FAF1: variants seen among roughly 807,000 people sequenced by gnomAD.
FAF1 encodes the protein FAS-associated factor 1.
In FAF1, 25 loss-of-function variants were observed where a neutral mutation model predicts 92.5. That is an observed-to-expected ratio of 0.27 (90% confidence interval 0.20 to 0.38). The LOEUF is 0.38. Ranked by LOEUF, FAF1 falls within the 10% of genes least tolerant of loss-of-function variation. FAF1 has a pLI of 1.00. For missense variants in FAF1, 636 were observed against 793.3 expected, an observed-to-expected ratio of 0.80 and a Z score of 2.38; for synonymous variants, 234 against 273.2, an observed-to-expected ratio of 0.86 and a Z score of 1.42.
At chr1:50,527,916 G>C (rs775302295) in intron 15 of FAF1, among the ~76,000 whole-genome samples, 1 of 134,740 alleles carries the variant, frequency 7.4e-6, no homozygotes, top group Non-Finnish European at 1.5e-5. Flanking sequence ...TCTTGCCCAG[G>C]CTGGAGTGCA....
intron 9 of FAF1, among the ~76,000 whole-genome samples, chr1:50,588,352 T>C (rs896355256): frequency 6.6e-6 from 1 of 152,218 alleles, no homozygotes; most frequent in African/African-American, 2.4e-5. Context: ...TCTCTAATTC[T>C]TTAGGGTCAG....
At chr1:50,560,597 T>A (rs1400472539) in intron 13 of FAF1, among the ~76,000 whole-genome samples, 1 of 152,224 alleles carries the variant, frequency 6.6e-6, no homozygotes, top group African/African-American at 2.4e-5. Context: ...GATTTAACAC[T>A]TAGTAGCATG....
chr1:50,808,658 A>T (rs12097122), intron 2 of FAF1, among the ~76,000 whole-genome samples: 1,487 of 128,100 alleles, frequency 0.012, 21 homozygotes, highest in African/African-American at 0.049. Flanking sequence ...ATAAAGATTT[A>T]AAAAAAAAAA....
At chr1:50,528,267 G>A (rs1276226610) in intron 15 of FAF1, among the ~76,000 whole-genome samples, 1 of 152,082 alleles carries the variant, frequency 6.6e-6, no homozygotes, top group Non-Finnish European at 1.5e-5. Flanking sequence ...TACCTTGAGT[G>A]TACTTATAAA....
chr1:50,945,013 G>T (rs1170564694), intron 1 of FAF1, among the ~76,000 whole-genome samples: 1 of 152,162 alleles, frequency 6.6e-6, no homozygotes, highest in Non-Finnish European at 1.5e-5. Context: ...GGATCAAGAG[G>T]AGGTGAAGGA....
At chr1:50,595,612 G>A (rs746571772) in intron 9 of FAF1, among the ~76,000 whole-genome samples, 4 of 151,978 alleles carry the variant, frequency 2.6e-5, no homozygotes, top group African/African-American at 9.7e-5. Context: ...GCGCGATCTC[G>A]GCTCACTGCA....
chr1:50,897,670 C>T (rs1268916197), intron 1 of FAF1, among the ~76,000 whole-genome samples: 1 of 152,216 alleles, frequency 6.6e-6, no homozygotes, highest in Non-Finnish European at 1.5e-5. Context: ...ACAAAATGGA[C>T]TGTGGTATTG....
intron 15 of FAF1, among the ~76,000 whole-genome samples, chr1:50,523,625 T>C (rs1365672415): frequency 1.3e-5 from 2 of 152,228 alleles, no homozygotes; most frequent in Non-Finnish European, 2.9e-5. Flanking sequence ...TTTTCTGTTG[T>C]CGTGTTGTAG....
intron 1 of FAF1, among the ~76,000 whole-genome samples, chr1:50,947,139 A>C (rs1645177625): frequency 6.6e-6 from 1 of 152,104 alleles, no homozygotes; most frequent in African/African-American, 2.4e-5. Flanking sequence ...TCCCTATTAA[A>C]GAAAGGATAC....
At position 50,640,580 on chromosome 1, in the gene FAF1, A is replaced by G. The variant is rs948843169; in HGVS notation, c.744+14862T>C. Among the ~76,000 whole-genome samples, 17 of 152,072 alleles carry G rather than the reference A, an allele frequency of 1.1e-4. No individual in the cohort carries two copies. In the East Asian group the frequency reaches 3.3e-3, roughly 30 times the overall value. On this transcript the variant is annotated intron_variant, in intron 8 of 18. Transcript: ENST00000396153. ...TTTTTAATTGCAAGTTCAATTTTTAAAATTATATTTGGGCTTTTCTAGTTT... is the reference window on the plus strand; with the variant it reads ...TTTTTAATTGCAAGTTCAATTTTTAGAATTATATTTGGGCTTTTCTAGTTT...
At chr1:50,834,339 C>T (rs1644181788) in intron 2 of FAF1, among the ~76,000 whole-genome samples, 1 of 152,190 alleles carries the variant, frequency 6.6e-6, no homozygotes, top group Non-Finnish European at 1.5e-5. Context: ...CAAGAATGGA[C>T]TAATACACCC....
intron 18 of FAF1, among the ~76,000 whole-genome samples, chr1:50,465,153 G>A (rs1646479124): frequency 6.6e-6 from 1 of 152,150 alleles, no homozygotes; most frequent in Non-Finnish European, 1.5e-5. Context: ...CCACTGCTTG[G>A]CTACGTGATC....
At chr1:50,527,838 TCTCTCC>T (rs1199341733) in intron 15 of FAF1, among the ~76,000 whole-genome samples, 3 of 93,040 alleles carry the variant, frequency 3.2e-5, no homozygotes, top group African/African-American at 9.2e-5. Flanking sequence ...TCTCTCTCTC[TCTCTCC>T]CTCTCTCCCT....
intron 7 of FAF1, among the ~76,000 whole-genome samples, chr1:50,677,507 A>T (rs1408042804): frequency 6.6e-6 from 1 of 152,232 alleles, no homozygotes; most frequent in Admixed American, 6.5e-5. Flanking sequence ...GTAATTAAAA[A>T]AGTAAACACT....
intron 9 of FAF1, among the ~76,000 whole-genome samples, chr1:50,585,354 A>G (rs1651176220): frequency 6.6e-6 from 1 of 152,144 alleles, no homozygotes; most frequent in African/African-American, 2.4e-5. Flanking sequence ...GATGAGATGT[A>G]ATAATAATGT....
chr1:50,593,242 T>C (rs1651616727), intron 9 of FAF1, among the ~76,000 whole-genome samples: 1 of 152,320 alleles, frequency 6.6e-6, no homozygotes, highest in East Asian at 1.9e-4. Flanking sequence ...ACCTAAATAG[T>C]GTGCTAGCCT....
At chr1:50,470,621 TTTAG>T (rs1646559915) in intron 18 of FAF1, 1 of 152,222 alleles carries the variant, frequency 6.6e-6, no homozygotes. Flanking sequence ...CTTCTCTCTA[TTTAG>T]TATTATTACA....
intron 2 of FAF1, among the ~76,000 whole-genome samples, chr1:50,832,823 T>C (rs1176859561): frequency 6.6e-6 from 1 of 152,202 alleles, no homozygotes; most frequent in Non-Finnish European, 1.5e-5. Flanking sequence ...TCTCTAGTTA[T>C]AAAGTTCCAT....
At chr1:50,482,462 C>G (rs1363609027) in intron 17 of FAF1, among the ~76,000 whole-genome samples, 1 of 152,114 alleles carries the variant, frequency 6.6e-6, no homozygotes, top group Non-Finnish European at 1.5e-5. Flanking sequence ...TGAATGTAAA[C>G]TGCTTTATGT....
Sources: gnomAD v4.1 joint callset for allele counts (sites outside exome capture counted in the v4.1 genomes callset) on GRCh38, gnomAD v4.1.1 for gene constraint, MANE v1.5 for transcripts, NCBI Gene and HGNC (gene_info 2026-07-23, HGNC 2026-07-21) for gene names.